The following SP3 variants were observed in gnomAD, a reference collection of about 807,000 sequenced individuals.
The protein encoded by SP3 is Sp3 transcription factor.
In SP3, 10 loss-of-function variants were observed where a neutral mutation model predicts 70.3. The ratio of observed to expected loss-of-function variants is 0.14; its 90% CI spans 0.09 to 0.24. SP3 has a LOEUF of 0.24. SP3 is among the 10% of genes least tolerant of loss of function. The pLI, the probability that SP3 is intolerant of heterozygous loss-of-function variation, is 1.00. For missense variants in SP3, 825 were observed against 914.6 expected (o/e 0.90, Z 1.26); for synonymous variants, 402 against 333.5 (o/e 1.21, Z -2.24).
rs960821840 is a variant in SP3, at chr2:173,901,043, T to C, written c.*8898A>G. On this transcript the variant is annotated 3_prime_UTR_variant, in exon 7 of 7. Transcript: ENST00000310015. ...GGGCAGAGGAGACTTCCTTACCGGA[T>C]GTCAAGAATTTAGGATAAATAACAG... Among the ~76,000 whole-genome samples the C allele has an allele frequency of 3.9e-5, 6 of 152,206 alleles. No individual in the cohort carries two copies. Among genetic ancestry groups the C allele is most frequent in the Non-Finnish European group, 7.3e-5 (5 of 68,034 alleles).
rs1689253834 is a variant in SP3, at chr2:173,904,296, G to C, written c.*5645C>G. On this transcript the variant is annotated 3_prime_UTR_variant, in exon 7 of 7. Transcript: ENST00000310015. ...ACCGGTCTGTGGCCCAGGGGTTGGG[G>C]ACCCTTTTCTATAGGATCAAGTCAT... Among the ~76,000 whole-genome samples, 1 of 152,100 alleles carries C rather than the reference G, an allele frequency of 6.6e-6. No individual in the cohort carries two copies. The highest frequency in any genetic ancestry group is 2.4e-5 in the African/African-American group (1 of 41,400).
upstream of SP3, chr2:173,965,488 C>T (rs543841764): frequency 7.2e-5 from 24 of 334,674 alleles, no homozygotes; most frequent in Admixed American, 7.6e-4. Context: ...GGCGCGCTTC[C>T]TGTTTGCCCC....
intron 4 of SP3, among the ~76,000 whole-genome samples, chr2:173,950,205 G>A (rs2105492577): frequency 6.6e-6 from 1 of 151,908 alleles, no homozygotes; most frequent in Admixed American, 6.6e-5. Context: ...AAAAAAGAAG[G>A]GAACAAAGTC....
rs1350951096 is a variant in SP3, at chr2:173,913,283, GAAT to G, written c.1833-20_1833-18del. On this transcript the variant is annotated intron_variant, in intron 5 of 6. Transcript: ENST00000310015. ...TTGGTACCTCTAAAAAACACACATA[GAAT>G]AATATATACTTATATGAAAATATTC... 4 of 1,534,554 alleles carry G rather than the reference GAAT, an allele frequency of 2.6e-6. No homozygotes were observed. The highest frequency in any genetic ancestry group is 3.5e-6 in the Non-Finnish European group (4 of 1,130,182).
chr2:173,944,124 T>C (rs1690461644), intron 4 of SP3, among the ~76,000 whole-genome samples: 1 of 152,254 alleles, frequency 6.6e-6, no homozygotes, highest in South Asian at 2.1e-4. Context: ...CTCAAACATT[T>C]GTTGACTGAA....
chr2:173,943,500 A>G (rs1690438964), intron 4 of SP3, among the ~76,000 whole-genome samples: 1 of 151,638 alleles, frequency 6.6e-6, no homozygotes, highest in East Asian at 1.9e-4. Flanking sequence ...TTCCTTTTTA[A>G]TTTTCTTTTT....
chr2:173,955,335 G>T lies in SP3; in HGVS notation c.1177C>A (p.Pro393Thr), dbSNP rs1481818006. ...TGAAGTTGTAGATGCTGTACAACAG[G>T]CTGTGCTGTAGAAACCTGAATATTC... ...AQNIQVSTAQ[P>T]VVQHLQLQES... The change falls in exon 4 of 7, where the codon CCT becomes ACT. Residue 393 changes from proline (P) to threonine (T), a missense_variant. Around this residue, in one of 4 missense-constraint regions of SP3, gnomAD observed 678 missense variants for 651.6 expected, o/e 1.04. Transcript: ENST00000310015. The T allele has an allele frequency of 1.2e-6, 2 of 1,614,004 alleles. No individual in the cohort carries two copies. Among genetic ancestry groups the T allele is most frequent in the African/African-American group, 2.7e-5 (2 of 75,014 alleles).
At chr2:173,929,842 G>GTA (rs1259336465) in intron 4 of SP3, among the ~76,000 whole-genome samples, 2 of 152,190 alleles carry the variant, frequency 1.3e-5, no homozygotes, top group Non-Finnish European at 2.9e-5. Flanking sequence ...AGATCATTAT[G>GTA]TATCAAGCAG....
chr2:173,955,412 T>A lies in SP3; in HGVS notation c.1100A>T (p.Asp367Val). 1 of 1,614,140 alleles carries A rather than the reference T, an allele frequency of 6.2e-7. No individual in the cohort carries two copies. The highest frequency in any genetic ancestry group is 1.1e-5 in the South Asian group (1 of 91,082). Residue 367 changes from aspartate (D) to valine (V), a missense_variant, in exon 4 of 7, where the codon GAT (aspartate) becomes GTT (valine). Asp to Val is a radical substitution (Grantham distance 152). Coordinates refer to ENST00000310015, the MANE Select transcript of SP3 (RefSeq NM_003111.5). The part of the protein sequence containing the change: ...TTSSGQVHSS[D>V]LQGNYIQSPV... The stretch of plus-strand genomic sequence containing the variant: ...CGACTGGATATAATTTCCCTGAAGA[T>A]CTGAAGAATGAACCTGCCCACTAGA...
intron 4 of SP3, among the ~76,000 whole-genome samples, chr2:173,946,896 T>C (rs1380403446): frequency 2.0e-5 from 3 of 151,386 alleles, no homozygotes; most frequent in Non-Finnish European, 4.4e-5. Flanking sequence ...TTTTTTTTTT[T>C]AAGGTAGACG....
chr2:173,931,787 G>C (rs1690074910), intron 4 of SP3, among the ~76,000 whole-genome samples: 1 of 152,276 alleles, frequency 6.6e-6, no homozygotes, highest in Admixed American at 6.5e-5. Flanking sequence ...CCAGTATTCT[G>C]CTAACTTCCA....
intron 2 of SP3, 177 bp downstream of exon 2, chr2:173,964,228 C>G: frequency 2.1e-6 from 1 of 474,434 alleles, no homozygotes; most frequent in Middle Eastern, 5.5e-4. Context: ...GGCGGGGCGG[C>G]GCGGGCGGGG....
intron 4 of SP3, among the ~76,000 whole-genome samples, chr2:173,923,095 G>C (rs1209671203): frequency 6.6e-6 from 1 of 152,120 alleles, no homozygotes; most frequent in Non-Finnish European, 1.5e-5. Flanking sequence ...AATGAAAACA[G>C]AAATTCAAGG....
chr2:173,957,939 T>G (rs926366861), intron 3 of SP3, among the ~76,000 whole-genome samples: 1 of 152,178 alleles, frequency 6.6e-6, no homozygotes, highest in Non-Finnish European at 1.5e-5. Context: ...CAATCTGGTA[T>G]AGAAATTACA....
intron 4 of SP3, among the ~76,000 whole-genome samples, chr2:173,923,390 G>A (rs996539867): frequency 2.0e-5 from 3 of 151,866 alleles, no homozygotes; most frequent in African/African-American, 7.3e-5. Flanking sequence ...ACACAATATG[G>A]TTACAAAGAT....
At chr2:173,914,746 C>T (rs1005262101) in intron 5 of SP3, 1 of 152,206 alleles carries the variant, frequency 6.6e-6, no homozygotes, top group African/African-American at 2.4e-5. Flanking sequence ...CCAATTTCTA[C>T]AACTCTTCAA....
In SP3 at chr2:173,965,198, G is replaced by T. The variant is rs1418386272; in HGVS notation, c.-27C>A. On this transcript the variant is annotated 5_prime_UTR_variant, in exon 1 of 7. Coordinates refer to ENST00000310015, the MANE Select transcript of SP3 (RefSeq NM_003111.5). ...GTGTGTTTAGGGCACCTCAGGCGGG[G>T]CTCCCCGCCGCCTTACACATGGTGA... The T allele has an allele frequency of 2.6e-6, 4 of 1,545,800 alleles. No individual in the cohort carries two copies. The East Asian group carries it at 7.4e-5, about 29-fold the overall frequency.
intron 4 of SP3, among the ~76,000 whole-genome samples, chr2:173,952,355 G>A (rs1184473837): frequency 6.6e-6 from 1 of 152,068 alleles, no homozygotes; most frequent in African/African-American, 2.4e-5. Flanking sequence ...ATATGCAGTA[G>A]GAACTACAAA....
chr2:173,964,191 G>A (rs894978417), intron 2 of SP3: 54 of 459,706 alleles, frequency 1.2e-4, no homozygotes, highest in African/African-American at 1.0e-3. Context: ...ACACTCACAC[G>A]CGCACAAAAA....
Sources: gnomAD v4.1 joint callset for allele counts (sites outside exome capture counted in the v4.1 genomes callset) on GRCh38, gnomAD v4.1.1 for gene constraint, gnomAD v4.1.1 regional missense constraint, MANE v1.5 for transcripts, NCBI Gene and HGNC (gene_info 2026-07-23, HGNC 2026-07-21) for gene names.